TLE2: variants seen among roughly 807,000 people sequenced by gnomAD.
The protein encoded by TLE2 is TLE family member 2, transcriptional corepressor.
A neutral mutation model predicts 97.2 loss-of-function variants in TLE2; 74 were observed. The observed-to-expected ratio is 0.76, with a 90% CI of 0.63 to 0.92. The LOEUF (loss-of-function observed/expected upper bound fraction) is 0.92, where lower values mean the gene tolerates loss of function less well. Among genes scored for constraint, TLE2 ranks in the 40% least tolerant of loss-of-function variants. The probability of loss-of-function intolerance (pLI) is 0.00; values close to 1 mark genes in which losing one functional copy is unlikely to be tolerated. For missense variants in TLE2, 1,038 were observed against 1,008.7 expected, an observed-to-expected ratio of 1.03 and a Z score of -0.39; for synonymous variants, 499 against 432.1, an observed-to-expected ratio of 1.15 and a Z score of -1.92.
chr19:3,009,601 CGTA>C lies in TLE2; in HGVS notation c.1111_1113del (p.Tyr371del). The C allele has an allele frequency of 2.5e-6, 4 of 1,613,400 alleles. No homozygotes were observed. Among genetic ancestry groups the C allele is most frequent in the Non-Finnish European group, 2.5e-6 (3 of 1,179,698 alleles). On this transcript the variant is annotated inframe_deletion, in exon 13 of 20. Transcript: ENST00000262953. ...ACCTGGGGGGACAGGTGGAGGCTGACGTAGGAGCTGGGCACGGAGAGGTCTCCG... is the reference window on the plus strand; with the variant it reads ...ACCTGGGGGGACAGGTGGAGGCTGACGGAGCTGGGCACGGAGAGGTCTCCG...
chr19:2,998,035 A>C (rs1194576184), intron 19 of TLE2, 80 bp from the exon 20 acceptor site: 11 of 1,014,910 alleles, frequency 1.1e-5, no homozygotes, highest in Non-Finnish European at 1.7e-5. Flanking sequence ...GCTGGGGCGG[A>C]GTCAGGAACG....
chr19:3,011,104 C>T lies in TLE2; in HGVS notation c.930G>A (p.Gln310=). ...AGCTGGGCCCGGGGGTGGAAGCGTC[C>T]TGGGGCGGGGAGGAGTCACAGGATT... ...ASKSCDSSPP[Q]DASTPGPSSA... Residue 310 remains glutamine, a synonymous_variant, in exon 12 of 20, where the codon CAG becomes CAA. Transcript: ENST00000262953. 6.2e-7 allele frequency: 1 copy of T among 1,610,964 alleles called. No homozygotes were observed. Among genetic ancestry groups the T allele is most frequent in the Non-Finnish European group, 8.5e-7 (1 of 1,179,120 alleles).
upstream of TLE2, among the ~76,000 whole-genome samples, chr19:3,046,432 C>T (rs2090141554): frequency 6.6e-6 from 1 of 152,194 alleles, no homozygotes; most frequent in Non-Finnish European, 1.5e-5. Flanking sequence ...CTCCCCGCCC[C>T]CAACCGGGCT....
chr19:3,044,286 A>C (rs12976222), intron 1 of TLE2, among the ~76,000 whole-genome samples: 29,742 of 151,994 alleles, frequency 0.2, 3,093 homozygotes, highest in Middle Eastern at 0.26. Flanking sequence ...GAGGATCTCG[A>C]TAATCGCACA....
At chr19:3,025,945 C>T (rs1022608464) in intron 4 of TLE2, among the ~76,000 whole-genome samples, 7 of 152,102 alleles carry the variant, frequency 4.6e-5, no homozygotes, top group Non-Finnish European at 1.0e-4. Context: ...CAACCCCAGG[C>T]ACCCCACACT....
At chr19:3,013,192 T>C (rs2089632471) in intron 11 of TLE2, among the ~76,000 whole-genome samples, 2 of 152,082 alleles carry the variant, frequency 1.3e-5, no homozygotes, top group African/African-American at 4.8e-5. Flanking sequence ...TTTAGATGGC[T>C]CACATGCCTG....
chr19:3,016,298 G>A (rs951171516), intron 8 of TLE2, among the ~76,000 whole-genome samples: 7 of 150,750 alleles, frequency 4.6e-5, no homozygotes, highest in Non-Finnish European at 8.9e-5. Flanking sequence ...CATTTTGGCC[G>A]GGCGCAGTGG....
intron 14 of TLE2, 119 bp downstream of exon 14, chr19:3,008,750 C>T: frequency 1.3e-6 from 1 of 750,980 alleles, no homozygotes; most frequent in Non-Finnish European, 2.0e-6. Context: ...TGTGCCCGGC[C>T]CACACAAGAG....
chr19:3,033,898 C>T (rs1190284811), upstream of TLE2, among the ~76,000 whole-genome samples: 2 of 151,974 alleles, frequency 1.3e-5, no homozygotes, highest in Admixed American at 6.6e-5. Flanking sequence ...TTCCTTAGCC[C>T]GGTCACTTGA....
intron 19 of TLE2, among the ~76,000 whole-genome samples, chr19:2,999,662 G>A (rs1301299157): frequency 6.7e-6 from 1 of 150,220 alleles, no homozygotes; most frequent in Non-Finnish European, 1.5e-5. Context: ...AGGAGGCAGA[G>A]CTTGCAGTAA....
chr19:3,043,364 C>CTTTTTTTTT (rs71337196), intron 1 of TLE2, among the ~76,000 whole-genome samples: 1 of 108,900 alleles, frequency 9.2e-6, no homozygotes, highest in Non-Finnish European at 1.8e-5. Flanking sequence ...CCTTCTGCAG[C>CTTTTTTTTT]TTTTTTTTTT....
intron 1 of TLE2, among the ~76,000 whole-genome samples, chr19:3,034,641 C>T (rs773424986): frequency 6.6e-6 from 1 of 151,960 alleles, no homozygotes; most frequent in Non-Finnish European, 1.5e-5. Context: ...AGCCTTCTCC[C>T]CCAGCCTCCT....
chr19:3,027,283 T>C (rs2089963538), intron 4 of TLE2, among the ~76,000 whole-genome samples: 2 of 152,150 alleles, frequency 1.3e-5, no homozygotes, highest in Non-Finnish European at 2.9e-5. Flanking sequence ...AGTTTTGAGG[T>C]CTATTTTGGA....
In TLE2 at chr19:3,012,328, G is replaced by A. The variant is rs140507052; in HGVS notation, c.874-1168C>T. On this transcript the variant is annotated intron_variant, in intron 11 of 19. Coordinates refer to ENST00000262953, the MANE Select transcript of TLE2 (RefSeq NM_003260.5). ...CCTCCCATGCTCGAGTGATCCTCCC[G>A]ACTGAGCCTCCCAAGTAGCTGGCAC... is the stretch of plus-strand genomic sequence containing the variant. Among the ~76,000 whole-genome samples, 1,281 of 151,966 alleles carry A rather than the reference G, an allele frequency of 8.4e-3. 18 individuals carry two copies. Among genetic ancestry groups the A allele is most frequent in the African/African-American group, 0.028 (1,176 of 41,498 alleles).
Position 3,013,753 on chromosome 19 carries a change from A to C in TLE2, c.789T>G (p.Pro263=), listed in dbSNP as rs368378876. The C allele has an allele frequency of 6.4e-6, 10 of 1,563,336 alleles. No homozygotes were observed. In the African/African-American group the frequency reaches 1.4e-4, roughly 22 times the overall value. The change falls in exon 11 of 20, where the codon CCT becomes CCG. Residue 263 remains proline (P), a synonymous_variant. Coordinates refer to ENST00000262953, the MANE Select transcript of TLE2 (RefSeq NM_003260.5). The part of the protein sequence containing the change: ...TPCGKVPICI[P]ARRDLVDSPA... ...GACTGTCCACCAGGTCCCGACGGGC[A>C]GGAATGCAGATGGGTACCTTTCCGC...
At position 2,997,835 on chromosome 19, in the gene TLE2, G is replaced by C. The variant is rs773949175; in HGVS notation, c.*13C>G. 3 of 1,581,596 alleles carry C rather than the reference G, an allele frequency of 1.9e-6. No homozygotes were observed. The highest frequency in any genetic ancestry group is 4.5e-5 in the East Asian group (2 of 44,194). ...GGAGTCTGGACTTCGGGTACAGGAA[G>C]GGGGGTCATGTCTCAGTAGACCACC... On this transcript the variant is annotated 3_prime_UTR_variant, in exon 20 of 20. Coordinates refer to ENST00000262953, the MANE Select transcript of TLE2 (RefSeq NM_003260.5).
rs1429371528 is a variant in TLE2, at chr19:3,007,490, T to C, written c.1251-821A>G. 3.9e-5 allele frequency among the ~76,000 whole-genome samples: 6 copies of C among 152,240 alleles called. No individual in the cohort carries two copies. In the East Asian group the frequency reaches 5.8e-4, roughly 15 times the overall value. On this transcript the variant is annotated intron_variant, in intron 14 of 19. Transcript: ENST00000262953. ...GCCTCAAACTCCTGGTTTCAAGTGA[T>C]CCTCCCGCCTTGGCCTCCCAAAGCA...
chr19:3,037,890 G>A (rs1356433511), intron 1 of TLE2, among the ~76,000 whole-genome samples: 1 of 152,196 alleles, frequency 6.6e-6, no homozygotes, highest in East Asian at 1.9e-4. Context: ...GTTGGGCCAA[G>A]ATGGGTGGAT....
At chr19:3,039,718 T>C (rs960804864) in intron 1 of TLE2, among the ~76,000 whole-genome samples, 2 of 152,142 alleles carry the variant, frequency 1.3e-5, no homozygotes, top group Admixed American at 1.3e-4. Context: ...CATAGAGGGA[T>C]AGAGCCTCAC....
Sources: allele counts gnomAD v4.1 joint callset (sites outside exome capture counted in the v4.1 genomes callset), GRCh38; gene constraint gnomAD v4.1.1; transcripts MANE v1.5; gene names NCBI Gene and HGNC (gene_info 2026-07-23, HGNC 2026-07-21).